FILIP1L: variants seen among roughly 807,000 people sequenced by gnomAD.
FILIP1L encodes the protein filamin A-interacting protein 1-like.
A neutral mutation model predicts 96.6 loss-of-function variants in FILIP1L; 55 were observed. The observed-to-expected ratio is 0.57, with a 90% CI of 0.46 to 0.71. The LOEUF is 0.71. Among genes scored for constraint, FILIP1L ranks in the 30% least tolerant of loss-of-function variants. The pLI is 0.00. For synonymous variants in FILIP1L, 467 were observed against 473.9 expected (o/e 0.99, Z 0.19); for missense variants, 1,304 against 1,321.2 (o/e 0.99, Z 0.20).
At chr3:99,886,905 G>C (rs544767118) in intron 4 of FILIP1L, among the ~76,000 whole-genome samples, 12 of 151,730 alleles carry the variant, frequency 7.9e-5, no homozygotes, top group Admixed American at 5.9e-4. Context: ...GGGAGGCAGA[G>C]GTTGTAGTGA....
intron 4 of FILIP1L, among the ~76,000 whole-genome samples, chr3:99,868,165 G>T (rs1447525779): frequency 6.6e-6 from 1 of 152,168 alleles, no homozygotes; most frequent in East Asian, 1.9e-4. Context: ...ACCTGCTCAG[G>T]AAGTTGTTTC....
At chr3:99,957,244 TA>T (rs1284339950) in intron 1 of FILIP1L, among the ~76,000 whole-genome samples, 36 of 152,226 alleles carry the variant, frequency 2.4e-4, no homozygotes, top group African/African-American at 8.7e-4. Flanking sequence ...TGGAAAGTAG[TA>T]ACAGCAGCGA....
intron 1 of FILIP1L, chr3:100,109,907 C>T (rs1391617790): frequency 7.6e-5 from 9 of 118,652 alleles, no homozygotes; most frequent in Non-Finnish European, 1.4e-4. Context: ...TTTATGACCC[C>T]CCCCCCCCAG....
intron 1 of FILIP1L, among the ~76,000 whole-genome samples, chr3:100,051,845 AT>A (rs886857643): frequency 5.0e-4 from 75 of 148,836 alleles, no homozygotes; most frequent in African/African-American, 1.5e-3. Context: ...TATTATATAT[AT>A]TTTTTATAGT....
At chr3:99,888,083 G>A (rs370672018) in intron 4 of FILIP1L, among the ~76,000 whole-genome samples, 51 of 152,108 alleles carry the variant, frequency 3.4e-4, no homozygotes, top group African/African-American at 1.2e-3. Context: ...TACTATCTTC[G>A]GACAATTGGT....
intron 1 of FILIP1L, chr3:100,023,496 C>G (rs2064862099): frequency 6.6e-6 from 1 of 152,480 alleles, no homozygotes; most frequent in Admixed American, 6.6e-5. Context: ...TGCTCCGAGT[C>G]TATAATTTAC....
At chr3:99,986,112 A>G (rs1190830020) in intron 1 of FILIP1L, among the ~76,000 whole-genome samples, 2 of 152,212 alleles carry the variant, frequency 1.3e-5, no homozygotes, top group Non-Finnish European at 2.9e-5. Flanking sequence ...TTTCATTGTT[A>G]TAAGAGGAAA....
chr3:99,833,575 A>G (rs1216983127), intron 5 of FILIP1L, among the ~76,000 whole-genome samples: 1 of 152,258 alleles, frequency 6.6e-6, no homozygotes, highest in Non-Finnish European at 1.5e-5. Context: ...CAGATCTCAG[A>G]CAGCTGGAGT....
intron 1 of FILIP1L, among the ~76,000 whole-genome samples, chr3:100,022,657 G>A (rs762236127): frequency 5.9e-5 from 9 of 152,208 alleles, no homozygotes; most frequent in Non-Finnish European, 1.3e-4. Context: ...AAGAAAGAGG[G>A]AGATTCCATT....
rs369205692 is a variant in FILIP1L, at chr3:99,849,516, A to C, written c.2160T>G (p.Asp720Glu). 1.2e-6 allele frequency: 2 copies of C among 1,613,256 alleles called. No individual in the cohort carries two copies. The highest frequency in any genetic ancestry group is 2.7e-5 in the African/African-American group (2 of 74,760). ...AKSGHLSREV[D>E]ALKEKIHEYM... ...ATTCATGAATTTTCTCTTTTAATGC[A>C]TCCACTTCTCTTGAGAGGTGCCCTG... Residue 720 changes from aspartate to glutamate, a missense_variant, in exon 5 of 6, where the codon GAT becomes GAG. Physicochemically the swap from Asp to Glu is conservative, Grantham distance 45. Coordinates refer to ENST00000477258, the MANE Select transcript of FILIP1L (RefSeq NM_001387850.1).
intron 1 of FILIP1L, among the ~76,000 whole-genome samples, chr3:99,932,531 C>T (rs923243810): frequency 4.6e-5 from 7 of 151,954 alleles, no homozygotes; most frequent in African/African-American, 2.4e-5. Flanking sequence ...CATTCTTGCA[C>T]ATTTTTTTCC....
At chr3:99,878,514 A>G (rs1385849783) in intron 4 of FILIP1L, among the ~76,000 whole-genome samples, 1 of 152,152 alleles carries the variant, frequency 6.6e-6, no homozygotes, top group Admixed American at 6.6e-5. Flanking sequence ...GTCTTCTCCT[A>G]ATAGTTTGTT....
chr3:100,011,434 A>G (rs1710153794), intron 1 of FILIP1L, among the ~76,000 whole-genome samples: 1 of 152,140 alleles, frequency 6.6e-6, no homozygotes, highest in African/African-American at 2.4e-5. Flanking sequence ...ATAATTTAAA[A>G]CACCCAGAGG....
Position 99,855,386 on chromosome 3 carries a change from A to G in FILIP1L, c.606-4316T>C, listed in dbSNP as rs553485267. On this transcript the variant is annotated intron_variant, in intron 4 of 5. Coordinates refer to ENST00000477258, the MANE Select transcript of FILIP1L (RefSeq NM_001387850.1). ...TCACACAGCACAAAGACTAAAATAT[A>G]TATATAATAGCTGCCATTCTTTACT... Among the ~76,000 whole-genome samples, 13 of 152,298 alleles carry G rather than the reference A, an allele frequency of 8.5e-5. No homozygotes were observed. In the South Asian group the frequency reaches 1.9e-3, roughly 22 times the overall value.
At chr3:99,878,012 A>G (rs765847047) in intron 4 of FILIP1L, among the ~76,000 whole-genome samples, 4 of 152,168 alleles carry the variant, frequency 2.6e-5, no homozygotes, top group Non-Finnish European at 2.9e-5. Flanking sequence ...GCTGGTTCCC[A>G]TGAAATATGT....
intron 1 of FILIP1L, among the ~76,000 whole-genome samples, chr3:99,993,056 G>C (rs1464901298): frequency 6.6e-6 from 1 of 151,744 alleles, no homozygotes; most frequent in African/African-American, 2.4e-5. Context: ...ATGTTATTTT[G>C]GTTGCTATAG....
chr3:100,049,146 A>G (rs1215654931), intron 1 of FILIP1L, among the ~76,000 whole-genome samples: 2 of 152,114 alleles, frequency 1.3e-5, no homozygotes, highest in African/African-American at 4.8e-5. Context: ...TTTTTCTTTT[A>G]CCTTCTCTCC....
At chr3:99,983,449 T>C (rs1372210113) in intron 1 of FILIP1L, among the ~76,000 whole-genome samples, 157 of 8,582 alleles carry the variant, frequency 0.018, 2 homozygotes, top group African/African-American at 0.067. Flanking sequence ...TATGTATGTA[T>C]ATATATATAT....
intron 4 of FILIP1L, among the ~76,000 whole-genome samples, chr3:99,923,363 C>A: frequency 6.6e-6 from 1 of 152,152 alleles, no homozygotes; most frequent in East Asian, 1.9e-4. Context: ...TAAACCAGGA[C>A]TCATCTCCTA....
Sources: gnomAD v4.1 joint callset for allele counts (sites outside exome capture counted in the v4.1 genomes callset) on GRCh38, gnomAD v4.1.1 for gene constraint, MANE v1.5 for transcripts, NCBI Gene and HGNC (gene_info 2026-07-23, HGNC 2026-07-21) for gene names.